PITPNC1: variants seen among roughly 807,000 people sequenced by gnomAD.
The protein encoded by PITPNC1 is phosphatidylinositol transfer protein cytoplasmic 1, also known as cytoplasmic phosphatidylinositol transfer protein 1.
PITPNC1 carries 18 observed loss-of-function variants against 44.7 expected under a neutral mutation model. The observed-to-expected ratio is 0.40, with a 90% CI of 0.28 to 0.60. The LOEUF is 0.60. Ranked by LOEUF, PITPNC1 falls within the 20% of genes least tolerant of loss-of-function variation. PITPNC1 has a pLI of 0.39. For missense variants in PITPNC1, 290 were observed against 418.4 expected (o/e 0.69, Z 2.68); for synonymous variants, 141 against 149.6 (o/e 0.94, Z 0.42).
At chr17:67,388,276 C>T (rs1031087207) in intron 1 of PITPNC1, among the ~76,000 whole-genome samples, 2 of 151,704 alleles carry the variant, frequency 1.3e-5, no homozygotes, top group Non-Finnish European at 2.9e-5. Context: ...AGACTGCTTT[C>T]CTCCCAATTC....
intron 5 of PITPNC1, among the ~76,000 whole-genome samples, chr17:67,602,043 C>T (rs954933034): frequency 1.3e-5 from 2 of 152,104 alleles, no homozygotes; most frequent in African/African-American, 4.8e-5. Context: ...CAAAGGATTG[C>T]TTGAAAGTCT....
At chr17:67,589,784 A>G (rs944513879) in intron 5 of PITPNC1, among the ~76,000 whole-genome samples, 2 of 152,146 alleles carry the variant, frequency 1.3e-5, no homozygotes, top group Non-Finnish European at 1.5e-5. Context: ...CCTGGCCAAC[A>G]TGGTGAAACC....
chr17:67,588,450 T>G (rs528152437), intron 5 of PITPNC1, among the ~76,000 whole-genome samples: 7 of 152,226 alleles, frequency 4.6e-5, no homozygotes, highest in Non-Finnish European at 7.3e-5. Flanking sequence ...TTAAATTGCA[T>G]GCTGTTTTGA....
chr17:67,631,514 A>G (rs954902502), intron 5 of PITPNC1, among the ~76,000 whole-genome samples: 9 of 135,706 alleles, frequency 6.6e-5, no homozygotes, highest in Admixed American at 4.6e-4. Flanking sequence ...CTGTAATCCC[A>G]GCTACTCGGG....
At chr17:67,534,279 C>A (rs994621047) in intron 2 of PITPNC1, among the ~76,000 whole-genome samples, 1 of 152,152 alleles carries the variant, frequency 6.6e-6, no homozygotes, top group Non-Finnish European at 1.5e-5. Flanking sequence ...TCCTATCCAG[C>A]CCATTTCTTC....
At chr17:67,667,742 G>A (rs1248193727) in intron 6 of PITPNC1, among the ~76,000 whole-genome samples, 3 of 151,692 alleles carry the variant, frequency 2.0e-5, no homozygotes, top group African/African-American at 7.3e-5. Context: ...CACTTTGGGA[G>A]GCCAAGGTGG....
chr17:67,491,254 C>G (rs988549466), intron 1 of PITPNC1, among the ~76,000 whole-genome samples: 1 of 152,244 alleles, frequency 6.6e-6, no homozygotes, highest in Non-Finnish European at 1.5e-5. Context: ...TGACTCTGGG[C>G]AGCGCGTTCC....
In PITPNC1 at chr17:67,417,872, G is replaced by A. The variant is rs139957370; in HGVS notation, c.48+39670G>A. ...AGCATGGACAACATGGTGAGACCCT[G>A]TCTCTACAAAAAATAAAAAAAATTA... On this transcript the variant is annotated intron_variant, in intron 1 of 8. Coordinates refer to ENST00000581322, the MANE Select transcript of PITPNC1 (RefSeq NM_012417.4). Among the ~76,000 whole-genome samples, 950 of 151,916 alleles carry A rather than the reference G, an allele frequency of 6.3e-3. 8 individuals carry two copies. Among genetic ancestry groups the A allele is most frequent in the African/African-American group, 0.022 (907 of 41,420 alleles).
rs769651650 is a variant in PITPNC1, at chr17:67,669,670, G to C, written c.618+7G>C. The stretch of plus-strand genomic sequence containing the variant: ...GGAACAATTTGTACACAAGGTAAGT[G>C]GTCCAACAGCAGTTCCTGGGCTGTG... On this transcript the variant is annotated splice_region_variant and intron_variant, in intron 7 of 8. Coordinates refer to ENST00000581322, the MANE Select transcript of PITPNC1 (RefSeq NM_012417.4). 1 of 1,581,042 alleles carries C rather than the reference G, an allele frequency of 6.3e-7. No individual in the cohort carries two copies. The highest frequency in any genetic ancestry group is 8.6e-7 in the Non-Finnish European group (1 of 1,162,034).
At chr17:67,419,501 C>T (rs933085896) in intron 1 of PITPNC1, among the ~76,000 whole-genome samples, 2 of 152,160 alleles carry the variant, frequency 1.3e-5, no homozygotes, top group Admixed American at 1.3e-4. Flanking sequence ...TCTTCCCTAC[C>T]TACTTGGGAC....
intron 1 of PITPNC1, chr17:67,379,458 G>A: frequency 1.4e-6 from 1 of 734,196 alleles, no homozygotes; most frequent in Non-Finnish European, 1.7e-6. Flanking sequence ...GCATCACGGG[G>A]ACACAGGCTG....
At chr17:67,453,672 G>C (rs1317432999) in intron 1 of PITPNC1, among the ~76,000 whole-genome samples, 1 of 152,150 alleles carries the variant, frequency 6.6e-6, no homozygotes, top group Non-Finnish European at 1.5e-5. Context: ...AAATTTCCAT[G>C]AATTTTTATC....
rs1273765286 is a variant in PITPNC1 at position 67,532,824 on chromosome 17, T to C, written c.71T>C (p.Met24Thr). The C allele has an allele frequency of 6.4e-7, 1 of 1,574,190 alleles. No homozygotes were observed. The highest frequency in any genetic ancestry group is 8.6e-7 in the Non-Finnish European group (1 of 1,159,938). Residue 24 changes from methionine to threonine, a missense_variant, in exon 2 of 9, where the codon ATG (methionine) becomes ACG (threonine). Transcript: ENST00000581322. ...VDEYKIGQLYMISKHSHEQSD... is the reference protein window; with the variant it reads ...VDEYKIGQLYTISKHSHEQSD... The stretch of plus-strand genomic sequence containing the variant: ...TAGTACAAAATTGGACAGCTGTACA[T>C]GATCAGCAAACACAGCCATGAACAG...
chr17:67,380,805 G>A (rs865953962), intron 1 of PITPNC1, among the ~76,000 whole-genome samples: 3 of 151,566 alleles, frequency 2.0e-5, no homozygotes, highest in African/African-American at 7.3e-5. Context: ...ACACGGTCTC[G>A]CTCTGTCATC....
chr17:67,486,828 A>G (rs1356141077), intron 1 of PITPNC1, among the ~76,000 whole-genome samples: 2 of 152,028 alleles, frequency 1.3e-5, no homozygotes, highest in Non-Finnish European at 2.9e-5. Context: ...TCTGCATTCA[A>G]GAGTATTGTG....
At chr17:67,527,218 G>A (rs2144118632) in intron 1 of PITPNC1, among the ~76,000 whole-genome samples, 1 of 152,004 alleles carries the variant, frequency 6.6e-6, no homozygotes, top group South Asian at 2.1e-4. Context: ...ACGAGGCCTA[G>A]ATTTTTAAAG....
chr17:67,610,211 C>T (rs1346096922), intron 5 of PITPNC1, among the ~76,000 whole-genome samples: 1 of 152,126 alleles, frequency 6.6e-6, no homozygotes, highest in Admixed American at 6.5e-5. Context: ...CCCACTGAAT[C>T]GGAACCTGAA....
chr17:67,538,991 A>G (rs566261576), intron 2 of PITPNC1, among the ~76,000 whole-genome samples: 1 of 152,178 alleles, frequency 6.6e-6, no homozygotes, highest in Admixed American at 6.5e-5. Context: ...AAAGACAATA[A>G]TCCAATCAAA....
intron 1 of PITPNC1, among the ~76,000 whole-genome samples, chr17:67,514,176 T>C (rs976541527): frequency 3.9e-5 from 6 of 152,022 alleles, no homozygotes; most frequent in African/African-American, 1.4e-4. Context: ...CTACTTGGTG[T>C]AGAATTCACG....
Sources: allele counts gnomAD v4.1 joint callset (sites outside exome capture counted in the v4.1 genomes callset), GRCh38; gene constraint gnomAD v4.1.1; transcripts MANE v1.5; gene names NCBI Gene and HGNC (gene_info 2026-07-23, HGNC 2026-07-21).